The following CDH18 variants were observed in gnomAD, a reference collection of about 807,000 sequenced individuals.
The protein encoded by CDH18 is cadherin 18.
In CDH18, 31 loss-of-function variants were observed where a neutral mutation model predicts 67.9. That is an observed-to-expected ratio of 0.46 (90% CI 0.34 to 0.62). CDH18 has a LOEUF of 0.62. Among genes scored for constraint, CDH18 ranks in the 20% least tolerant of loss-of-function variants. The pLI, the probability that CDH18 is intolerant of heterozygous loss-of-function variation, is 0.01. For missense variants in CDH18, 890 were observed against 975.5 expected, an observed-to-expected ratio of 0.91 and a Z score of 1.17; for synonymous variants, 362 against 347.2, an observed-to-expected ratio of 1.04 and a Z score of -0.48.
At chr5:20,385,110 T>G (rs541762954) in intron 1 of CDH18, among the ~76,000 whole-genome samples, 16 of 152,322 alleles carry the variant, frequency 1.1e-4, no homozygotes, top group African/African-American at 3.4e-4. Context: ...GTGCTGGGGT[T>G]ACAGGTGTGA....
intron 1 of CDH18, among the ~76,000 whole-genome samples, chr5:20,447,179 T>G (rs1750066164): frequency 6.6e-6 from 1 of 152,198 alleles, no homozygotes; most frequent in Non-Finnish European, 1.5e-5. Flanking sequence ...TCCCTTTTTC[T>G]GTTTTTCTCA....
At chr5:20,470,798 C>T (rs770301906) in intron 1 of CDH18, among the ~76,000 whole-genome samples, 5 of 152,198 alleles carry the variant, frequency 3.3e-5, no homozygotes, top group Admixed American at 6.5e-5. Flanking sequence ...CTCTTACTTA[C>T]CCCCGGACTT....
At chr5:20,321,581 A>G (rs1015988907) in intron 1 of CDH18, among the ~76,000 whole-genome samples, 2 of 152,044 alleles carry the variant, frequency 1.3e-5, no homozygotes, top group Admixed American at 6.6e-5. Context: ...TTTCTATTTC[A>G]TTTCTGTGAT....
intron 2 of CDH18, among the ~76,000 whole-genome samples, chr5:20,147,778 T>G (rs1052840608): frequency 6.6e-6 from 1 of 152,146 alleles, no homozygotes; most frequent in Non-Finnish European, 1.5e-5. Context: ...ATATAAATAA[T>G]AAGATGTTAA....
At chr5:20,562,398 C>T (rs7722302) in intron 1 of CDH18, among the ~76,000 whole-genome samples, 37,327 of 151,156 alleles carry the variant, frequency 0.25, 5,415 homozygotes, top group African/African-American at 0.4. Context: ...TTCAAGGCAA[C>T]CTTATGTACC....
At chr5:20,168,853 G>A (rs1561845758) in intron 2 of CDH18, among the ~76,000 whole-genome samples, 2 of 152,120 alleles carry the variant, frequency 1.3e-5, no homozygotes, top group Non-Finnish European at 2.9e-5. Flanking sequence ...CATAGATGAA[G>A]CTGGAGATGA....
chr5:20,356,029 A>G lies in CDH18; in HGVS notation c.-579-100524T>C, dbSNP rs1741576557. Reference sequence around the variant, plus strand: ...ATCTGTCCTACATTAAAATAGGAATATCAGTACATTTATTTTCGATCAAAG... The same window carrying G: ...ATCTGTCCTACATTAAAATAGGAATGTCAGTACATTTATTTTCGATCAAAG... On this transcript the variant is annotated intron_variant, in intron 1 of 14. Transcript: ENST00000507958. Among the ~76,000 whole-genome samples, 4 of 152,232 alleles carry G rather than the reference A, an allele frequency of 2.6e-5. No homozygotes were observed. In the South Asian group the frequency reaches 8.3e-4, roughly 32 times the overall value.
intron 2 of CDH18, among the ~76,000 whole-genome samples, chr5:19,872,619 C>T (rs1231783674): frequency 1.3e-5 from 2 of 152,048 alleles, no homozygotes; most frequent in South Asian, 4.1e-4. Context: ...CAGATTCTTC[C>T]CCAGTCAAGC....
chr5:20,508,287 T>C lies in CDH18; in HGVS notation c.-580+67175A>G, dbSNP rs562888401. Among the ~76,000 whole-genome samples, 4 of 146,566 alleles carry C rather than the reference T, an allele frequency of 2.7e-5. No homozygotes were observed. The Admixed American group carries it at 2.8e-4, about 10-fold the overall frequency. On this transcript the variant is annotated intron_variant, in intron 1 of 14. Coordinates refer to the CDH18 transcript ENST00000507958. ...TATATATAAGGTCCTTCTGTAATTG[T>C]GTTACCTAACACCTTACATAGTTTT...
chr5:20,291,633 A>G (rs989779566), intron 1 of CDH18, among the ~76,000 whole-genome samples: 2 of 152,184 alleles, frequency 1.3e-5, no homozygotes, highest in African/African-American at 4.8e-5. Context: ...AACCAACATG[A>G]GATGTGTTTT....
At chr5:20,107,260 GAC>G (rs1257883776) in intron 2 of CDH18, among the ~76,000 whole-genome samples, 2 of 151,780 alleles carry the variant, frequency 1.3e-5, no homozygotes, top group African/African-American at 2.4e-5. Context: ...TTTTAGTAGA[GAC>G]ACGGGGTTTC....
intron 2 of CDH18, among the ~76,000 whole-genome samples, chr5:20,040,166 G>A (rs1029789821): frequency 6.6e-6 from 1 of 152,116 alleles, no homozygotes; most frequent in Admixed American, 6.6e-5. Context: ...TCTCATGCTA[G>A]TTAGAATGGC....
chr5:19,645,471 A>G (rs1282553016), intron 5 of CDH18, among the ~76,000 whole-genome samples: 1 of 152,132 alleles, frequency 6.6e-6, no homozygotes, highest in Non-Finnish European at 1.5e-5. Flanking sequence ...TAAATAACGG[A>G]TAGTCTGTAG....
At chr5:20,461,116 A>C (rs144011724) in intron 1 of CDH18, among the ~76,000 whole-genome samples, 1 of 152,248 alleles carries the variant, frequency 6.6e-6, no homozygotes, top group Non-Finnish European at 1.5e-5. Flanking sequence ...TTTTGCTGTC[A>C]GGCTTGGTCT....
At chr5:20,454,028 G>A (rs948759261) in intron 1 of CDH18, among the ~76,000 whole-genome samples, 7 of 152,212 alleles carry the variant, frequency 4.6e-5, no homozygotes, top group Admixed American at 2.6e-4. Context: ...GGAATAAATA[G>A]AATAAATAAG....
chr5:20,474,477 A>G (rs1260436873), intron 1 of CDH18, among the ~76,000 whole-genome samples: 3 of 152,140 alleles, frequency 2.0e-5, no homozygotes, highest in East Asian at 1.9e-4. Flanking sequence ...CTCCCGGCCT[A>G]TGCTGGCCAC....
chr5:20,016,183 C>T (rs945935984), intron 2 of CDH18, among the ~76,000 whole-genome samples: 8 of 151,918 alleles, frequency 5.3e-5, no homozygotes, highest in African/African-American at 1.7e-4. Context: ...GAGCTGGAGA[C>T]CATCATTTTT....
At chr5:19,621,491 G>T (rs1447929186) in intron 5 of CDH18, among the ~76,000 whole-genome samples, 3 of 151,992 alleles carry the variant, frequency 2.0e-5, no homozygotes, top group African/African-American at 7.2e-5. Context: ...TTATAATCGG[G>T]ATCTCATAGA....
intron 2 of CDH18, among the ~76,000 whole-genome samples, chr5:20,116,570 G>T (rs113081411): frequency 6.6e-6 from 1 of 151,898 alleles, no homozygotes; most frequent in African/African-American, 2.4e-5. Context: ...ACTAAGAAAG[G>T]ATAGGAATAT....
Sources: allele counts gnomAD v4.1 joint callset (sites outside exome capture counted in the v4.1 genomes callset), GRCh38; gene constraint gnomAD v4.1.1; transcripts MANE v1.5; gene names NCBI Gene and HGNC (gene_info 2026-07-23, HGNC 2026-07-21).